The following RGL1 variants were observed in gnomAD, a reference collection of about 807,000 sequenced individuals.
RGL1 encodes ral guanine nucleotide dissociation stimulator like 1.
Under a neutral mutation model 95.2 loss-of-function variants are expected in RGL1, and 24 were observed. That is an observed-to-expected ratio of 0.25 (90% CI 0.18 to 0.35). The LOEUF (loss-of-function observed/expected upper bound fraction) is 0.35. RGL1 is among the 10% of genes least tolerant of loss of function. RGL1 has a pLI of 1.00. For synonymous variants in RGL1, 329 were observed against 344.9 expected (o/e 0.95, Z 0.51); for missense variants, 715 against 936.3 (o/e 0.76, Z 3.08).
At chr1:183,819,816 G>C (rs971909932) in intron 2 of RGL1, among the ~76,000 whole-genome samples, 9 of 148,014 alleles carry the variant, frequency 6.1e-5, no homozygotes, top group Non-Finnish European at 1.0e-4. Context: ...ACAGGGTCTT[G>C]TTCTGTCGCC....
intron 9 of RGL1, among the ~76,000 whole-genome samples, chr1:183,894,474 A>G (rs550729272): frequency 6.6e-6 from 1 of 152,220 alleles, no homozygotes; most frequent in Non-Finnish European, 1.5e-5. Flanking sequence ...TGGGCAGTCC[A>G]TGTATATCTG....
At chr1:183,751,315 G>A (rs932736029) in intron 2 of RGL1, among the ~76,000 whole-genome samples, 4 of 152,162 alleles carry the variant, frequency 2.6e-5, no homozygotes, top group South Asian at 2.1e-4. Context: ...CCTGAGTTGC[G>A]GTGGTTTCCA....
intron 2 of RGL1, among the ~76,000 whole-genome samples, chr1:183,828,014 T>G (rs765421154): frequency 3.3e-5 from 5 of 152,250 alleles, no homozygotes; most frequent in Non-Finnish European, 5.9e-5. Context: ...TTCTTTGTTT[T>G]CACCAAATAA....
At chr1:183,892,549 A>C (rs756697634) in intron 9 of RGL1, among the ~76,000 whole-genome samples, 7 of 152,188 alleles carry the variant, frequency 4.6e-5, no homozygotes, top group Non-Finnish European at 8.8e-5. Context: ...GCAATTCCAC[A>C]TCCTTTATTT....
intron 4 of RGL1, among the ~76,000 whole-genome samples, chr1:183,869,098 A>G (rs908570546): frequency 6.6e-6 from 1 of 152,228 alleles, no homozygotes; most frequent in African/African-American, 2.4e-5. Flanking sequence ...AGCCTGGGCA[A>G]CAGAGTGAGT....
chr1:183,776,571 T>C (rs940180815), intron 2 of RGL1, among the ~76,000 whole-genome samples: 2 of 152,128 alleles, frequency 1.3e-5, no homozygotes, highest in Non-Finnish European at 2.9e-5. Context: ...GAATTAATGA[T>C]GTGTAGGAGT....
At chr1:183,748,751 G>T (rs1180835507) in intron 2 of RGL1, among the ~76,000 whole-genome samples, 1 of 152,046 alleles carries the variant, frequency 6.6e-6, no homozygotes, top group South Asian at 2.1e-4. Flanking sequence ...TCTCCCGTGG[G>T]CATTTAGTGC....
Position 183,652,790 on chromosome 1 carries a change from G to C in RGL1, c.-33+16289G>C, listed in dbSNP as rs141102508. On this transcript the variant is annotated intron_variant, in intron 1 of 18. Transcript: ENST00000304685. ...TTATACTCTGTAGAGCAGATTTGCT[G>C]GCAGTAAGAACAGAGATGTGTAGAG... Among the ~76,000 whole-genome samples, 10 of 152,326 alleles carry C rather than the reference G, an allele frequency of 6.6e-5. No individual in the cohort carries two copies. The East Asian group carries it at 1.7e-3, about 26-fold the overall frequency.
At chr1:183,656,443 A>G (rs1651171761) in intron 1 of RGL1, among the ~76,000 whole-genome samples, 1 of 152,222 alleles carries the variant, frequency 6.6e-6, no homozygotes, top group African/African-American at 2.4e-5. Flanking sequence ...CCTAACTGGA[A>G]TGTAAATAGA....
At chr1:183,854,227 A>G (rs1469537646) in intron 3 of RGL1, among the ~76,000 whole-genome samples, 2 of 152,146 alleles carry the variant, frequency 1.3e-5, no homozygotes, top group Non-Finnish European at 2.9e-5. Context: ...GTTGGCCAGG[A>G]TCTTAGGTGA....
intron 1 of RGL1, among the ~76,000 whole-genome samples, chr1:183,672,217 G>A (rs1375933954): frequency 2.0e-5 from 3 of 152,128 alleles, no homozygotes; most frequent in Non-Finnish European, 4.4e-5. Flanking sequence ...ACAAGCATGA[G>A]CCATGGCGCC....
At chr1:183,692,680 C>T (rs1464400925) in intron 1 of RGL1, among the ~76,000 whole-genome samples, 1 of 152,122 alleles carries the variant, frequency 6.6e-6, no homozygotes, top group Admixed American at 6.5e-5. Context: ...AACTCTCACT[C>T]TATAAACAAT....
chr1:183,711,114 G>T (rs1054786799), intron 1 of RGL1, among the ~76,000 whole-genome samples: 2 of 152,094 alleles, frequency 1.3e-5, no homozygotes, highest in African/African-American at 4.8e-5. Flanking sequence ...GCCCTTTTAG[G>T]CCGGGTCACA....
At chr1:183,910,349 C>T (rs911787180) in intron 14 of RGL1, among the ~76,000 whole-genome samples, 11 of 152,194 alleles carry the variant, frequency 7.2e-5, no homozygotes, top group Non-Finnish European at 1.0e-4. Context: ...CAGCCTGCCT[C>T]GGCCTCCCAA....
intron 1 of RGL1, among the ~76,000 whole-genome samples, chr1:183,726,023 A>G (rs1027208471): frequency 3.9e-5 from 6 of 152,184 alleles, no homozygotes; most frequent in East Asian, 1.9e-4. Flanking sequence ...GAAAATCTCA[A>G]AATACTTGGA....
chr1:183,744,562 G>T (rs1419458781), intron 2 of RGL1, among the ~76,000 whole-genome samples: 1 of 152,090 alleles, frequency 6.6e-6, no homozygotes, highest in Non-Finnish European at 1.5e-5. Context: ...TCTGAATTTG[G>T]TGTTTATCAT....
At chr1:183,811,858 A>AT (rs1661740097) in intron 2 of RGL1, among the ~76,000 whole-genome samples, 1 of 152,242 alleles carries the variant, frequency 6.6e-6, no homozygotes, top group Admixed American at 6.5e-5. Flanking sequence ...TATACTTAAA[A>AT]GTGTATATTC....
intron 10 of RGL1, among the ~76,000 whole-genome samples, chr1:183,898,601 A>G (rs1414005849): frequency 3.9e-5 from 6 of 152,246 alleles, no homozygotes; most frequent in Non-Finnish European, 7.3e-5. Context: ...GGAAAGCTCA[A>G]CGTAAGTAAG....
At chr1:183,674,383 T>A (rs1460496004) in intron 1 of RGL1, among the ~76,000 whole-genome samples, 1 of 152,064 alleles carries the variant, frequency 6.6e-6, no homozygotes, top group Non-Finnish European at 1.5e-5. Flanking sequence ...TACACTTTTG[T>A]TTTTTTTAAA....
Sources: gnomAD v4.1 joint callset for allele counts (sites outside exome capture counted in the v4.1 genomes callset) on GRCh38, gnomAD v4.1.1 for gene constraint, MANE v1.5 for transcripts, NCBI Gene and HGNC (gene_info 2026-07-23, HGNC 2026-07-21) for gene names.